Variants in DSCAM observed in about 807,000 individuals in gnomAD.
DSCAM encodes the protein DS cell adhesion molecule.
A neutral mutation model predicts 217.7 loss-of-function variants in DSCAM; 47 were observed. The ratio of observed to expected loss-of-function variants is 0.22; its 90% CI spans 0.17 to 0.28. DSCAM has a LOEUF of 0.28. Among genes scored for constraint, DSCAM ranks in the 10% least tolerant of loss-of-function variants. The probability of loss-of-function intolerance (pLI) is 1.00; values close to 1 mark genes in which losing one functional copy is unlikely to be tolerated. For missense variants in DSCAM, 2,080 were observed against 2,618.3 expected, an observed-to-expected ratio of 0.79 and a Z score of 4.49; for synonymous variants, 1,056 against 1,015.3, an observed-to-expected ratio of 1.04 and a Z score of -0.76.
At chr21:40,214,158 C>T (rs1336969198) in intron 11 of DSCAM, among the ~76,000 whole-genome samples, 11 of 152,202 alleles carry the variant, frequency 7.2e-5, no homozygotes, top group Non-Finnish European at 1.6e-4. Context: ...TAGTTTGTTG[C>T]CCAGCCCACT....
chr21:40,230,575 AT>A (rs1325068429), intron 11 of DSCAM, among the ~76,000 whole-genome samples: 4 of 152,144 alleles, frequency 2.6e-5, no homozygotes, highest in Non-Finnish European at 5.9e-5. Context: ...TTTTGAATAT[AT>A]GGATTTATTG....
chr21:40,026,575 A>T (rs1426826865), intron 32 of DSCAM, among the ~76,000 whole-genome samples: 1 of 146,394 alleles, frequency 6.8e-6, no homozygotes, highest in Admixed American at 6.9e-5. Flanking sequence ...GTGCATATAT[A>T]TTTAGGATAG....
intron 8 of DSCAM, 22 bp downstream of exon 8, chr21:40,338,079 G>A (rs748075007): frequency 6.2e-7 from 1 of 1,609,944 alleles, no homozygotes; most frequent in Non-Finnish European, 8.5e-7. Context: ...AGTTGTGTGG[G>A]AACCAGGAGA....
intron 3 of DSCAM, among the ~76,000 whole-genome samples, chr21:40,496,878 A>T (rs2076122722): frequency 2.0e-5 from 3 of 152,184 alleles, no homozygotes; most frequent in South Asian, 2.1e-4. Context: ...AGGCCAATCG[A>T]TACATGAAAA....
At chr21:40,252,909 T>C (rs568212366) in intron 11 of DSCAM, among the ~76,000 whole-genome samples, 4 of 152,214 alleles carry the variant, frequency 2.6e-5, no homozygotes, top group African/African-American at 7.2e-5. Flanking sequence ...AAGGCTCGAG[T>C]TGTCTGTCCC....
Position 40,017,564 on chromosome 21 carries a change from A to AT in DSCAM, c.5687-4179dup, listed in dbSNP as rs5843994. On this transcript the variant is annotated intron_variant, in intron 32 of 32. Coordinates refer to ENST00000400454, the MANE Select transcript of DSCAM (RefSeq NM_001389.5). ...ACCTAGACAATAAATGGGCCATAACATTTTTTTTTTTTTTGAGATGGAGTT... is the reference window on the plus strand; with the variant it reads ...ACCTAGACAATAAATGGGCCATAACATTTTTTTTTTTTTTTGAGATGGAGTT... Among the ~76,000 whole-genome samples, 1,125 of 146,574 alleles carry AT rather than the reference A, an allele frequency of 7.7e-3. 10 individuals carry two copies. The highest frequency in any genetic ancestry group is 0.025 in the African/African-American group (1,012 of 39,774).
chr21:40,166,854 C>T (rs111657869), intron 16 of DSCAM, among the ~76,000 whole-genome samples: 8 of 152,078 alleles, frequency 5.3e-5, no homozygotes, highest in East Asian at 1.9e-4. Flanking sequence ...TGTCTGCCAC[C>T]GCATGCTTTG....
chr21:40,026,122 G>C (rs536315703), intron 32 of DSCAM, among the ~76,000 whole-genome samples: 1 of 141,558 alleles, frequency 7.1e-6, no homozygotes, highest in East Asian at 2.0e-4. Context: ...GTTTCATTTC[G>C]TTATGTACCC....
At chr21:40,309,224 CTTCT>C (rs2074112260) in intron 9 of DSCAM, among the ~76,000 whole-genome samples, 1 of 152,064 alleles carries the variant, frequency 6.6e-6, no homozygotes, top group African/African-American at 2.4e-5. Flanking sequence ...GCACATTGAC[CTTCT>C]TTCTTTTCTG....
At chr21:40,422,659 A>T (rs9978102) in intron 3 of DSCAM, among the ~76,000 whole-genome samples, 73,389 of 151,814 alleles carry the variant, frequency 0.48, 18,146 homozygotes, top group South Asian at 0.53. Flanking sequence ...ACAACAAAAA[A>T]GTTGACATGT....
Position 40,277,622 on chromosome 21 carries a change from G to A in DSCAM, c.2183-1352C>T, listed in dbSNP as rs1190422084. ...AATGGAACTGCTAGAGGGGACATAC[G>A]ACAACCTGAATTTTTTTTTTTTTTT... On this transcript the variant is annotated intron_variant, in intron 10 of 32. Coordinates refer to ENST00000400454, the MANE Select transcript of DSCAM (RefSeq NM_001389.5). 3.3e-5 allele frequency among the ~76,000 whole-genome samples: 5 copies of A among 150,830 alleles called. No individual in the cohort carries two copies. In the South Asian group the frequency reaches 6.3e-4, roughly 19 times the overall value.
chr21:40,670,551 G>T (rs55714106), intron 3 of DSCAM, among the ~76,000 whole-genome samples: 2 of 146,952 alleles, frequency 1.4e-5, no homozygotes, highest in African/African-American at 5.0e-5. Context: ...AAAAAAAAAA[G>T]TGACTACTTT....
intron 1 of DSCAM, among the ~76,000 whole-genome samples, chr21:40,751,110 C>A (rs2091222960): frequency 1.3e-5 from 2 of 152,136 alleles, no homozygotes; most frequent in African/African-American, 4.8e-5. Flanking sequence ...CTGCTGCAGG[C>A]CTTGGTGTTT....
At chr21:40,719,349 AATGC>A (rs1427654081) in intron 1 of DSCAM, among the ~76,000 whole-genome samples, 1 of 152,234 alleles carries the variant, frequency 6.6e-6, no homozygotes, top group Non-Finnish European at 1.5e-5. Context: ...ACCCTCAAAC[AATGC>A]AGGTAGTAAT....
At chr21:40,441,153 G>C (rs1346109541) in intron 3 of DSCAM, among the ~76,000 whole-genome samples, 1 of 152,160 alleles carries the variant, frequency 6.6e-6, no homozygotes, top group Non-Finnish European at 1.5e-5. Context: ...AAGTAGACCA[G>C]ATCTAGACCC....
intron 3 of DSCAM, among the ~76,000 whole-genome samples, chr21:40,498,113 C>T (rs1393835318): frequency 2.6e-5 from 4 of 152,114 alleles, no homozygotes; most frequent in South Asian, 2.1e-4. Context: ...ATTTATAAAA[C>T]GGGAATAATA....
chr21:40,246,471 G>GT (rs2073227396), intron 11 of DSCAM, among the ~76,000 whole-genome samples: 1 of 150,854 alleles, frequency 6.6e-6, no homozygotes, highest in South Asian at 2.1e-4. Flanking sequence ...AACCTGGGAG[G>GT]TGGAGGCTGC....
intron 3 of DSCAM, among the ~76,000 whole-genome samples, chr21:40,633,793 A>G (rs1295588371): frequency 6.6e-6 from 1 of 152,164 alleles, no homozygotes; most frequent in African/African-American, 2.4e-5. Flanking sequence ...AGCGTGTTCA[A>G]TGGTGTAAGA....
chr21:40,730,700 A>C (rs571733364), intron 1 of DSCAM, among the ~76,000 whole-genome samples: 2 of 151,718 alleles, frequency 1.3e-5, no homozygotes, highest in East Asian at 3.9e-4. Context: ...GGCAACACAA[A>C]CTGCAAGAGA....
Sources: allele counts gnomAD v4.1 joint callset (sites outside exome capture counted in the v4.1 genomes callset), GRCh38; gene constraint gnomAD v4.1.1; transcripts MANE v1.5; gene names NCBI Gene and HGNC (gene_info 2026-07-23, HGNC 2026-07-21).